KCNK12: variants seen among roughly 807,000 people sequenced by gnomAD.
KCNK12 encodes the protein potassium channel subfamily K member 12.
In KCNK12, 6 loss-of-function variants were observed where a neutral mutation model predicts 25.3. The observed-to-expected ratio is 0.24, with a 90% CI of 0.13 to 0.47. KCNK12 has a LOEUF of 0.47. KCNK12 is among the 20% of genes least tolerant of loss of function. KCNK12 has a pLI of 0.99. For missense variants in KCNK12, 444 were observed against 661.7 expected, an observed-to-expected ratio of 0.67 and a Z score of 3.61; for synonymous variants, 331 against 311.1, an observed-to-expected ratio of 1.06 and a Z score of -0.67.
intron 1 of KCNK12, chr2:47,563,629 C>T (rs993552704): frequency 8.6e-6 from 2 of 232,704 alleles, no homozygotes; most frequent in East Asian, 6.0e-5. Flanking sequence ...CTTCAGGGAG[C>T]GGGCGGCAAC....
chr2:47,541,235 T>C (rs1025424137), intron 1 of KCNK12, among the ~76,000 whole-genome samples: 2 of 152,314 alleles, frequency 1.3e-5, no homozygotes, highest in Non-Finnish European at 2.9e-5. Context: ...AGGAAGCCTG[T>C]TGGGAGCCTG....
chr2:47,530,775 C>G (rs934940509), intron 1 of KCNK12, among the ~76,000 whole-genome samples: 19 of 152,120 alleles, frequency 1.2e-4, no homozygotes, highest in African/African-American at 4.3e-4. Context: ...TGTTCATAAC[C>G]AATAGTGTCT....
chr2:47,537,394 G>C (rs1669097104), intron 1 of KCNK12, among the ~76,000 whole-genome samples: 1 of 151,392 alleles, frequency 6.6e-6, no homozygotes, highest in South Asian at 2.1e-4. Flanking sequence ...GCACTGGCGC[G>C]ATCTCAGCTC....
intron 1 of KCNK12, among the ~76,000 whole-genome samples, chr2:47,545,902 T>C (rs1669302566): frequency 6.6e-6 from 1 of 151,122 alleles, no homozygotes; most frequent in South Asian, 2.1e-4. Context: ...GAGACTGAAT[T>C]GCACTTAACT....
In KCNK12 at chr2:47,560,004, G is replaced by C. The variant is rs1405152034; in HGVS notation, c.391+9937C>G. 6.6e-6 allele frequency among the ~76,000 whole-genome samples: 1 copy of C among 152,226 alleles called. No homozygotes were observed. Among genetic ancestry groups the C allele is most frequent in the Non-Finnish European group, 1.5e-5 (1 of 68,040 alleles). The stretch of plus-strand genomic sequence containing the variant: ...AGAGTAGCACTGGCAGGCGCTTGGT[G>C]CAAGGTCTAGGCAGGGTCTGTTTCA... On this transcript the variant is annotated intron_variant, in intron 1 of 1. Coordinates refer to ENST00000327876, the MANE Select transcript of KCNK12 (RefSeq NM_022055.2). The surrounding 1 kb of genome is among the most constrained non-coding windows in gnomAD (Gnocchi z 4.7).
intron 1 of KCNK12, chr2:47,535,127 C>G: frequency 8.6e-6 from 2 of 231,588 alleles, no homozygotes; most frequent in Non-Finnish European, 1.7e-5. Flanking sequence ...TGAGGTGTCC[C>G]CATGCTTGGT....
Position 47,570,625 on chromosome 2 carries a change from G to C in KCNK12, c.-294C>G, listed in dbSNP as rs1669873067. The C allele has an allele frequency of 5.0e-6, 1 of 200,862 alleles. No homozygotes were observed. Among genetic ancestry groups the C allele is most frequent in the Non-Finnish European group, 1.0e-5 (1 of 100,402 alleles). The allele number at this position is 200,862 out of a possible 1,614,324, so 12.4% of individuals were successfully genotyped here. On this transcript the variant is annotated 5_prime_UTR_variant, in exon 1 of 2. Coordinates refer to ENST00000327876, the MANE Select transcript of KCNK12 (RefSeq NM_022055.2). ...CGGCTCCCGCGGCTCCTTACCCGCC[G>C]CTCTCGGGCGCGGGGCTCCGCAGCT...
intron 1 of KCNK12, among the ~76,000 whole-genome samples, chr2:47,526,279 G>A (rs1487759214): frequency 4.0e-4 from 61 of 151,210 alleles, no homozygotes; most frequent in Non-Finnish European, 7.1e-4. Flanking sequence ...GGCGGCGGGT[G>A]CCTGTAGTCC....
chr2:47,560,472 C>G lies in KCNK12; in HGVS notation c.391+9469G>C, dbSNP rs1370258790. Among the ~76,000 whole-genome samples the G allele has an allele frequency of 6.6e-6, 1 of 152,178 alleles. No individual in the cohort carries two copies. Among genetic ancestry groups the G allele is most frequent in the East Asian group, 1.9e-4 (1 of 5,192 alleles). ...ATGCCTCCTCATCCTCCTCCTCCAC[C>G]CACACAACCCTGCAGACCCCAGGCT... On this transcript the variant is annotated intron_variant, in intron 1 of 1. Transcript: ENST00000327876. This position sits in a 1 kb window ranked among gnomAD's most constrained non-coding sequence, Gnocchi z 4.7.
intron 1 of KCNK12, chr2:47,563,012 G>C (rs924484711): frequency 4.3e-6 from 1 of 233,118 alleles, no homozygotes; most frequent in African/African-American, 2.2e-5. Flanking sequence ...TCCAGAGCTG[G>C]GGGTGACACA....
Position 47,570,092 on chromosome 2 carries a change from G to A in KCNK12, c.240C>T (p.Ser80=), listed in dbSNP as rs1490875768. 3.6e-6 allele frequency: 5 copies of A among 1,399,040 alleles called. No homozygotes were observed. Among genetic ancestry groups the A allele is most frequent in the Non-Finnish European group, 2.8e-6 (3 of 1,077,146 alleles). The allele number at this position is 1,399,040 out of a possible 1,614,324, so 86.7% of individuals were successfully genotyped here. Residue 80 remains serine (S), a synonymous_variant, in exon 1 of 2, where the codon AGC becomes AGT. Coordinates refer to ENST00000327876, the MANE Select transcript of KCNK12 (RefSeq NM_022055.2). ...CTGGCTCGGCCACGCCGTGCGCAGC[G>A]CTGAAGTTGCGCAGCGTGGCGCCCC... ...ARWGATLRNF[S]AAHGVAEPEL...
Position 47,570,961 on chromosome 2 carries a change from C to A in KCNK12, c.-630G>T, listed in dbSNP as rs1436584915. On this transcript the variant is annotated 5_prime_UTR_variant, in exon 1 of 2. Transcript: ENST00000327876. ...TTTCTCAGCTCCAGCCGAAGAGCCG[C>A]CCGGCAGGGAGAGGCGGAGTCACTG... 2 of 152,226 alleles carry A rather than the reference C, an allele frequency of 1.3e-5. No homozygotes were observed. Among genetic ancestry groups the A allele is most frequent in the African/African-American group, 4.8e-5 (2 of 41,442 alleles). 9.4% of individuals were successfully genotyped at this position (152,226 alleles called of 1,614,324 possible).
intron 1 of KCNK12, chr2:47,543,422 A>G (rs1460035053): frequency 6.6e-6 from 1 of 152,150 alleles, no homozygotes; most frequent in Non-Finnish European, 1.5e-5. Flanking sequence ...TTAGATGCAC[A>G]ATCTGAGGCT....
chr2:47,523,713 T>C (rs1382187847), intron 1 of KCNK12, among the ~76,000 whole-genome samples: 2 of 152,146 alleles, frequency 1.3e-5, no homozygotes, highest in African/African-American at 2.4e-5. Flanking sequence ...GTTTCATCTC[T>C]TGGTGGAAAG....
Position 47,529,996 on chromosome 2 carries a change from T to C in KCNK12, c.392-8188A>G, listed in dbSNP as rs1054717769. ...TGGCAACCCTACTCATGACTCCACTTGTCAGCTTGGTACACTCCTCTGAGA... is the reference window on the plus strand; with the variant it reads ...TGGCAACCCTACTCATGACTCCACTCGTCAGCTTGGTACACTCCTCTGAGA... On this transcript the variant is annotated intron_variant, in intron 1 of 1. Coordinates refer to ENST00000327876, the MANE Select transcript of KCNK12 (RefSeq NM_022055.2). The surrounding 1 kb of genome is among the most constrained non-coding windows in gnomAD (Gnocchi z 4.3). Among the ~76,000 whole-genome samples, 2 of 152,232 alleles carry C rather than the reference T, an allele frequency of 1.3e-5. No individual in the cohort carries two copies. Among genetic ancestry groups the C allele is most frequent in the African/African-American group, 4.8e-5 (2 of 41,458 alleles).
At chr2:47,549,215 A>C (rs1669373500) in intron 1 of KCNK12, among the ~76,000 whole-genome samples, 1 of 152,222 alleles carries the variant, frequency 6.6e-6, no homozygotes, top group Non-Finnish European at 1.5e-5. Flanking sequence ...TAGAGACCCC[A>C]AAAAGGTTAT....
rs1260808305 is a variant in KCNK12, at chr2:47,517,856, G to A, written c.*3051C>T. On this transcript the variant is annotated 3_prime_UTR_variant, in exon 2 of 2. Transcript: ENST00000327876. The surrounding 1 kb of genome is among the most constrained non-coding windows in gnomAD (Gnocchi z 4.1). ...CTGTGGCCACAGTCATATGGTGAGG[G>A]CCTCTTGGAGTTCATTCAAACTTTA... 3 of 152,114 alleles carry A rather than the reference G, an allele frequency of 2.0e-5. No individual in the cohort carries two copies. In the East Asian group the frequency reaches 5.8e-4, roughly 29 times the overall value. The allele number at this position is 152,114 out of a possible 1,614,324, so 9.4% of individuals were successfully genotyped here.
In KCNK12 at chr2:47,511,389, T is replaced by A. The variant is rs1343132296; in HGVS notation, c.*9518A>T. ...ATTAGGCTTTTAATATAAATATTTG[T>A]GTGCCTGCGCCTGCATATATGTATT... is the stretch of plus-strand genomic sequence containing the variant. On this transcript the variant is annotated 3_prime_UTR_variant, in exon 2 of 2. Coordinates refer to ENST00000327876, the MANE Select transcript of KCNK12 (RefSeq NM_022055.2). This position sits in a 1 kb window ranked among gnomAD's most constrained non-coding sequence, Gnocchi z 4.3. 6.6e-6 allele frequency among the ~76,000 whole-genome samples: 1 copy of A among 152,220 alleles called. No homozygotes were observed. The highest frequency in any genetic ancestry group is 1.5e-5 in the Non-Finnish European group (1 of 68,044).
rs965753729 is a variant in KCNK12 at position 47,551,094 on chromosome 2, C to T, written c.391+18847G>A. ...TCAGAGTAAAACCCAAAGGTCTTGCCGTGGCCTGGAGACCCTGCATGACCT... is the reference window on the plus strand; with the variant it reads ...TCAGAGTAAAACCCAAAGGTCTTGCTGTGGCCTGGAGACCCTGCATGACCT... On this transcript the variant is annotated intron_variant, in intron 1 of 1. Coordinates refer to ENST00000327876, the MANE Select transcript of KCNK12 (RefSeq NM_022055.2). This position sits in a 1 kb window ranked among gnomAD's most constrained non-coding sequence, Gnocchi z 5.3. 1.3e-5 allele frequency among the ~76,000 whole-genome samples: 2 copies of T among 152,172 alleles called. No homozygotes were observed. The highest frequency in any genetic ancestry group is 2.4e-5 in the African/African-American group (1 of 41,430).
Sources: allele counts gnomAD v4.1 joint callset (sites outside exome capture counted in the v4.1 genomes callset), GRCh38; gene constraint gnomAD v4.1.1; non-coding constraint Gnocchi (gnomAD v3.1); transcripts MANE v1.5; gene names NCBI Gene and HGNC (gene_info 2026-07-23, HGNC 2026-07-21).